PDE8B: variants seen among roughly 807,000 people sequenced by gnomAD.
PDE8B encodes the protein phosphodiesterase 8B, also known as high affinity cAMP-specific and IBMX-insensitive 3',5'-cyclic phosphodiesterase 8B.
Under a neutral mutation model 101.3 loss-of-function variants are expected in PDE8B, and 26 were observed. That is an observed-to-expected ratio of 0.26 (90% CI 0.19 to 0.36). The LOEUF is 0.36. Among genes scored for constraint, PDE8B ranks in the 10% least tolerant of loss-of-function variants. The probability of loss-of-function intolerance (pLI) is 1.00; values close to 1 mark genes in which losing one functional copy is unlikely to be tolerated. For missense variants in PDE8B, 810 were observed against 1,163.1 expected (o/e 0.70, Z 4.42); for synonymous variants, 424 against 429.3 (o/e 0.99, Z 0.15).
At chr5:77,258,419 G>C (rs1295202562) in intron 1 of PDE8B, among the ~76,000 whole-genome samples, 1 of 151,708 alleles carries the variant, frequency 6.6e-6, no homozygotes, top group African/African-American at 2.4e-5. Flanking sequence ...ATAAGACCTT[G>C]TGAACCATTG....
intron 1 of PDE8B, among the ~76,000 whole-genome samples, chr5:77,239,052 A>G (rs1218647370): frequency 6.6e-6 from 1 of 152,232 alleles, no homozygotes; most frequent in Non-Finnish European, 1.5e-5. Flanking sequence ...AGCCCAGTCA[A>G]ATTGACACAT....
chr5:77,302,820 C>T (rs556003298), intron 1 of PDE8B, among the ~76,000 whole-genome samples: 1 of 152,214 alleles, frequency 6.6e-6, no homozygotes, highest in African/African-American at 2.4e-5. Flanking sequence ...TAGAAAGGGG[C>T]CCAGGATGCC....
At chr5:77,257,128 A>C (rs965165744) in intron 1 of PDE8B, among the ~76,000 whole-genome samples, 4 of 152,218 alleles carry the variant, frequency 2.6e-5, no homozygotes, top group African/African-American at 9.6e-5. Context: ...AGTACATCCA[A>C]AAGAAAACAG....
intron 10 of PDE8B, among the ~76,000 whole-genome samples, chr5:77,360,556 T>C (rs982751554): frequency 7.9e-5 from 12 of 152,308 alleles, no homozygotes; most frequent in Non-Finnish European, 1.6e-4. Context: ...TCAACCTAAA[T>C]CATCCATTCA....
the PDE8B span, among the ~76,000 whole-genome samples, chr5:77,184,050 C>G: frequency 2.0e-5 from 3 of 151,838 alleles, no homozygotes; most frequent in African/African-American, 7.3e-5. Flanking sequence ...TCACTGCAGG[C>G]TTGACCTCCC....
chr5:77,188,569 G>A, the PDE8B span, among the ~76,000 whole-genome samples: 1 of 152,066 alleles, frequency 6.6e-6, no homozygotes, highest in Non-Finnish European at 1.5e-5. Flanking sequence ...AACTTCTGTC[G>A]GAAAGACCAC....
intron 16 of PDE8B, among the ~76,000 whole-genome samples, chr5:77,412,624 C>G (rs574431044): frequency 6.6e-6 from 1 of 151,514 alleles, no homozygotes; most frequent in Non-Finnish European, 1.5e-5. Flanking sequence ...TTTTTCTATA[C>G]TAGGAGAAGG....
the PDE8B span, among the ~76,000 whole-genome samples, chr5:77,188,703 A>G: frequency 1.3e-5 from 2 of 152,236 alleles, no homozygotes; most frequent in Admixed American, 6.5e-5. Context: ...GGAAGGATAA[A>G]GCAGTGTATT....
chr5:77,356,515 C>T (rs763555757), intron 10 of PDE8B, among the ~76,000 whole-genome samples: 4 of 152,156 alleles, frequency 2.6e-5, no homozygotes, highest in Admixed American at 1.3e-4. Flanking sequence ...CTGCAACCTC[C>T]GCCTCCTGGG....
the PDE8B span, among the ~76,000 whole-genome samples, chr5:77,200,022 ATATAG>A: frequency 6.7e-6 from 1 of 148,608 alleles, no homozygotes; most frequent in Non-Finnish European, 1.5e-5. Flanking sequence ...TTTAAACTCT[ATATAG>A]TAAAAAAAAA....
chr5:77,181,702 G>T, the PDE8B span, among the ~76,000 whole-genome samples: 1 of 152,186 alleles, frequency 6.6e-6, no homozygotes, highest in Admixed American at 6.5e-5. Flanking sequence ...TTCCATGGAC[G>T]GTCGGTCGGG....
chr5:77,293,727 A>G (rs779342045), intron 1 of PDE8B, among the ~76,000 whole-genome samples: 1 of 152,160 alleles, frequency 6.6e-6, no homozygotes, highest in Non-Finnish European at 1.5e-5. Context: ...GCAGTTGTGA[A>G]TGAGTTTTAG....
At chr5:77,320,949 A>G (rs6453300) in intron 2 of PDE8B, among the ~76,000 whole-genome samples, 53,817 of 151,784 alleles carry the variant, frequency 0.35, 9,896 homozygotes, top group African/African-American at 0.45. Context: ...TTTATTTTTT[A>G]GTTGCAAGTA....
rs1353407036 is a variant in PDE8B at position 77,211,584 on chromosome 5, A to G, written c.339+320A>G. 1.3e-5 allele frequency among the ~76,000 whole-genome samples: 2 copies of G among 152,276 alleles called. No individual in the cohort carries two copies. Among genetic ancestry groups the G allele is most frequent in the African/African-American group, 4.8e-5 (2 of 41,566 alleles). On this transcript the variant is annotated intron_variant, in intron 1 of 21. Transcript: ENST00000264917. The surrounding 1 kb of genome is among the most constrained non-coding windows in gnomAD (Gnocchi z 4.1). ...AAGGCTGTGGCTTGGTTTATGCAGG[A>G]AGAGGGGTGGGGACCATTGAGAGCA...
rs141314284 is a variant in PDE8B at position 77,299,690 on chromosome 5, G to A, written c.340-12304G>A. Among the ~76,000 whole-genome samples, 1,235 of 151,978 alleles carry A rather than the reference G, an allele frequency of 8.1e-3. 15 individuals are homozygous for A. Among genetic ancestry groups the A allele is most frequent in the African/African-American group, 0.027 (1,136 of 41,422 alleles). On this transcript the variant is annotated intron_variant, in intron 1 of 21. Transcript: ENST00000264917. The stretch of plus-strand genomic sequence containing the variant: ...TCTATCGTTGTTGGACATTTGGGTT[G>A]GTTCCAAGTCTTTGCTATTGTGAAT...
At chr5:77,235,701 A>G (rs1289392198) in intron 1 of PDE8B, among the ~76,000 whole-genome samples, 3 of 151,862 alleles carry the variant, frequency 2.0e-5, no homozygotes, top group African/African-American at 7.3e-5. Context: ...TTTTCTTCAT[A>G]TCCTTCTCTT....
At chr5:77,274,930 T>G (rs1007268783) in intron 1 of PDE8B, among the ~76,000 whole-genome samples, 1 of 152,130 alleles carries the variant, frequency 6.6e-6, no homozygotes, top group African/African-American at 2.4e-5. Flanking sequence ...GAGATTTTGT[T>G]GACAGCCAGA....
At chr5:77,112,015 T>C in the PDE8B span, 1 of 152,186 alleles carries the variant, frequency 6.6e-6, no homozygotes, top group African/African-American at 2.4e-5. Flanking sequence ...TTAAATTATA[T>C]GTTGTTTAAT....
chr5:77,119,656 CA>C, the PDE8B span: 2,695 of 60,218 alleles, frequency 0.045, 51 homozygotes, highest in African/African-American at 0.13. Flanking sequence ...GACTCTGTCT[CA>C]AAAAAAAAAA....
Sources: gnomAD v4.1 joint callset for allele counts (sites outside exome capture counted in the v4.1 genomes callset) on GRCh38, gnomAD v4.1.1 for gene constraint, Gnocchi (gnomAD v3.1) non-coding constraint, MANE v1.5 for transcripts, NCBI Gene and HGNC (gene_info 2026-07-23, HGNC 2026-07-21) for gene names.